SLC36A4: variants seen among roughly 807,000 people sequenced by gnomAD.
SLC36A4 encodes the protein solute carrier family 36 member 4.
In SLC36A4, 49 loss-of-function variants were observed where a neutral mutation model predicts 50.5. The ratio of observed to expected loss-of-function variants is 0.97; its 90% CI spans 0.77 to 1.23. SLC36A4 has a LOEUF of 1.23. Ranked by LOEUF, SLC36A4 falls within the 50% of genes most tolerant of loss-of-function variation. The probability of loss-of-function intolerance (pLI) is 0.00; values close to 1 mark genes in which losing one functional copy is unlikely to be tolerated. For missense variants in SLC36A4, 611 were observed against 608.4 expected (o/e 1.00, Z -0.05); for synonymous variants, 207 against 206.5 (o/e 1.00, Z -0.02).
Position 93,180,901 on chromosome 11 carries a change from A to G in SLC36A4, c.456-20T>C. 1 of 1,523,162 alleles carries G rather than the reference A, an allele frequency of 6.6e-7. No homozygotes were observed. The highest frequency in any genetic ancestry group is 1.1e-5 in the South Asian group (1 of 88,714). The allele number at this position is 1,523,162 out of a possible 1,614,324, so 94.4% of individuals were successfully genotyped here. The stretch of plus-strand genomic sequence containing the variant: ...ACACTCCTGAAAAAAGATATCCACA[A>G]ATGAGTATCCAGGAGAGCTACTGAA... On this transcript the variant is annotated intron_variant, in intron 5 of 10. Transcript: ENST00000326402.
At chr11:93,180,688 T>A in intron 6 of SLC36A4, 109 bp downstream of exon 6, 1 of 780,666 alleles carries the variant, frequency 1.3e-6, no homozygotes, top group Non-Finnish European at 2.1e-6. Context: ...AGATCATTTA[T>A]GAAAGGAACA....
At chr11:93,174,560 T>C (rs2134675829) in intron 6 of SLC36A4, among the ~76,000 whole-genome samples, 1 of 149,400 alleles carries the variant, frequency 6.7e-6, no homozygotes, top group East Asian at 2.0e-4. Context: ...TTTTTGCCCA[T>C]TCAGTATGAT....
chr11:93,184,932 AT>A (rs2134699256), intron 2 of SLC36A4, among the ~76,000 whole-genome samples: 1 of 152,304 alleles, frequency 6.6e-6, no homozygotes, highest in East Asian at 1.9e-4. Flanking sequence ...ACAGCAATGT[AT>A]TGACACTACC....
chr11:93,169,326 A>G lies in SLC36A4; in HGVS notation c.541-1155T>C, dbSNP rs56731132. The stretch of plus-strand genomic sequence containing the variant: ...AATCTTGCGTAATATCAAGCCAGTA[A>G]GTGGTGGTTCTAGGATTCAAACCTA... On this transcript the variant is annotated intron_variant, in intron 6 of 10. Transcript: ENST00000326402. Among the ~76,000 whole-genome samples the G allele has an allele frequency of 2.0e-5, 3 of 152,218 alleles. No individual in the cohort carries two copies. In the East Asian group the frequency reaches 5.8e-4, roughly 29 times the overall value.
intron 3 of SLC36A4, among the ~76,000 whole-genome samples, chr11:93,183,360 A>G (rs1861821699): frequency 6.6e-6 from 1 of 152,224 alleles, no homozygotes; most frequent in Non-Finnish European, 1.5e-5. Flanking sequence ...AATTATTTCA[A>G]AAAGTAGTAA....
At chr11:93,193,465 G>T (rs1037896043) in intron 1 of SLC36A4, among the ~76,000 whole-genome samples, 5 of 152,240 alleles carry the variant, frequency 3.3e-5, no homozygotes, top group African/African-American at 9.6e-5. Context: ...AAAAATTAAT[G>T]ATGCCTTATA....
At chr11:93,191,905 A>G (rs1051261420) in intron 1 of SLC36A4, among the ~76,000 whole-genome samples, 2 of 152,030 alleles carry the variant, frequency 1.3e-5, no homozygotes, top group African/African-American at 4.8e-5. Flanking sequence ...TAGTCCCTCA[A>G]CACAAAAGCT....
At chr11:93,159,723 T>C (rs935971701) in intron 9 of SLC36A4, 42 of 676,150 alleles carry the variant, frequency 6.2e-5, no homozygotes, top group Non-Finnish European at 7.5e-5. Context: ...ACATGTACAG[T>C]ATTACTCATA....
chr11:93,194,288 A>C (rs1266114481), intron 1 of SLC36A4, among the ~76,000 whole-genome samples: 1 of 152,124 alleles, frequency 6.6e-6, no homozygotes, highest in Non-Finnish European at 1.5e-5. Context: ...TAAAATTTAA[A>C]AATCACTTGT....
At chr11:93,164,984 G>A (rs909074804) in intron 8 of SLC36A4, among the ~76,000 whole-genome samples, 2 of 152,124 alleles carry the variant, frequency 1.3e-5, no homozygotes, top group African/African-American at 4.8e-5. Context: ...CTAAGGAAAT[G>A]TCAACAGTTA....
chr11:93,182,148 A>G (rs1342710246), intron 4 of SLC36A4: 1 of 180,336 alleles, frequency 5.5e-6, no homozygotes, highest in Non-Finnish European at 1.1e-5. Context: ...GCATTATTTA[A>G]TAATACATCT....
Position 93,162,863 on chromosome 11 carries a change from C to T in SLC36A4, c.880G>A (p.Glu294Lys), listed in dbSNP as rs1467021381. 6.2e-7 allele frequency: 1 copy of T among 1,611,846 alleles called. No individual in the cohort carries two copies. Among genetic ancestry groups the T allele is most frequent in the Non-Finnish European group, 8.5e-7 (1 of 1,179,324 alleles). The part of the protein sequence containing the change: ...FEGIGVVLPL[E>K]NQMKESKRFP... Reference sequence around the variant, plus strand: ...CGCTTTGATTCTTTCATTTGGTTTTCCAGTGGAAGGACCTAAGAAAAGAAT... The same window carrying T: ...CGCTTTGATTCTTTCATTTGGTTTTTCAGTGGAAGGACCTAAGAAAAGAAT... The change falls in exon 9 of 11, where the codon GAA becomes AAA. Residue 294 changes from glutamate to lysine, a missense_variant. By Grantham distance (56) the Glu-to-Lys change is moderately conservative. Coordinates refer to ENST00000326402, the MANE Select transcript of SLC36A4 (RefSeq NM_152313.4).
intron 10 of SLC36A4, chr11:93,152,046 G>T (rs1860112456): frequency 6.6e-6 from 1 of 152,020 alleles, no homozygotes; most frequent in African/African-American, 2.4e-5. Context: ...AAGATATTTT[G>T]AGATCATGAT....
Position 93,182,574 on chromosome 11 carries a change from T to C in SLC36A4, c.359+232A>G, listed in dbSNP as rs567260941. Among the ~76,000 whole-genome samples the C allele has an allele frequency of 1.2e-4, 18 of 152,236 alleles. No homozygotes were observed. In the South Asian group the frequency reaches 3.5e-3, roughly 30 times the overall value. On this transcript the variant is annotated intron_variant, in intron 4 of 10. Transcript: ENST00000326402. The stretch of plus-strand genomic sequence containing the variant: ...TATATATCTTTTCTAATTTTTTCCA[T>C]TTATACTAAGAGAAACCATACTATT...
intron 6 of SLC36A4, among the ~76,000 whole-genome samples, chr11:93,175,247 A>T (rs1389971497): frequency 6.6e-6 from 1 of 151,880 alleles, no homozygotes; most frequent in Admixed American, 6.6e-5. Context: ...AGGTGTTTGT[A>T]GTATTCTCTG....
intron 6 of SLC36A4, among the ~76,000 whole-genome samples, chr11:93,177,484 G>T (rs1409339494): frequency 6.6e-6 from 1 of 152,172 alleles, no homozygotes; most frequent in Non-Finnish European, 1.5e-5. Context: ...GTCCAGCTTT[G>T]TTCCGTTGCT....
intron 6 of SLC36A4, among the ~76,000 whole-genome samples, chr11:93,176,415 A>T (rs1357133651): frequency 6.6e-6 from 1 of 152,270 alleles, no homozygotes; most frequent in South Asian, 2.1e-4. Context: ...TTGCCAGTCT[A>T]TGTCTTTTAA....
chr11:93,148,884 T>C (rs780695369), intron 10 of SLC36A4, 40 bp from the exon 11 acceptor site: 2 of 1,531,432 alleles, frequency 1.3e-6, no homozygotes, highest in Admixed American at 2.0e-5. Context: ...TATTTAAATG[T>C]TTGTTACTTA....
chr11:93,181,860 T>C, intron 4 of SLC36A4, 74 bp from the exon 5 acceptor site: 1 of 1,272,318 alleles, frequency 7.9e-7, no homozygotes, highest in South Asian at 1.8e-5. Context: ...CCTCTTGAAA[T>C]AAACATAAAA....
Sources: gnomAD v4.1 joint callset for allele counts (sites outside exome capture counted in the v4.1 genomes callset) on GRCh38, gnomAD v4.1.1 for gene constraint, MANE v1.5 for transcripts, NCBI Gene and HGNC (gene_info 2026-07-23, HGNC 2026-07-21) for gene names.